Variants in PKIB observed in about 807,000 individuals in gnomAD.
PKIB encodes the protein PKI-beta.
Under a neutral mutation model 4.5 loss-of-function variants are expected in PKIB, and 2 were observed. The ratio of observed to expected loss-of-function variants is 0.44; its 90% CI spans 0.18 to 1.39. The LOEUF is 1.39. Ranked by LOEUF, PKIB falls within the 40% of genes most tolerant of loss-of-function variation. The pLI is 0.27. For missense variants in PKIB, 94 were observed against 92.6 expected, an observed-to-expected ratio of 1.02 and a Z score of -0.06; for synonymous variants, 38 against 36.0, an observed-to-expected ratio of 1.06 and a Z score of -0.20.
intron 1 of PKIB, among the ~76,000 whole-genome samples, chr6:122,627,485 G>T (rs1350344321): frequency 6.6e-6 from 1 of 152,130 alleles, no homozygotes; most frequent in Admixed American, 6.5e-5. Context: ...AGCCCTTCTT[G>T]GTTGAATCAC....
At chr6:122,548,682 G>A (rs1179128873) in intron 2 of PKIB, among the ~76,000 whole-genome samples, 1 of 152,104 alleles carries the variant, frequency 6.6e-6, no homozygotes, top group Non-Finnish European at 1.5e-5. Flanking sequence ...GACTAAATGG[G>A]CAGAAAAATG....
At chr6:122,640,016 G>C (rs987100748) in intron 2 of PKIB, among the ~76,000 whole-genome samples, 1 of 152,136 alleles carries the variant, frequency 6.6e-6, no homozygotes, top group Non-Finnish European at 1.5e-5. Context: ...CTTAGGCTTT[G>C]ACCAAATCTC....
At chr6:122,615,024 G>A (rs1030035713) in intron 1 of PKIB, among the ~76,000 whole-genome samples, 5 of 152,040 alleles carry the variant, frequency 3.3e-5, no homozygotes, top group African/African-American at 1.2e-4. Flanking sequence ...TAGGTATGGT[G>A]GATTTTGTTA....
At chr6:122,505,510 T>C (rs1482373358) in intron 2 of PKIB, among the ~76,000 whole-genome samples, 1 of 152,166 alleles carries the variant, frequency 6.6e-6, no homozygotes, top group Non-Finnish European at 1.5e-5. Context: ...ACAGCATAAA[T>C]AGATACACAT....
At chr6:122,665,894 C>T (rs568057298) in intron 2 of PKIB, among the ~76,000 whole-genome samples, 14 of 152,230 alleles carry the variant, frequency 9.2e-5, no homozygotes, top group Middle Eastern at 3.4e-3. Flanking sequence ...GTTTTTCCTT[C>T]GGTATAAAGA....
chr6:122,713,718 G>A lies in PKIB; in HGVS notation c.-8-4069G>A, dbSNP rs1368469564. Among the ~76,000 whole-genome samples the A allele has an allele frequency of 2.0e-5, 3 of 152,148 alleles. No individual in the cohort carries two copies. The East Asian group carries it at 5.8e-4, about 29-fold the overall frequency. Reference sequence around the variant, plus strand: ...TGTTTATTTATAATTTTTCCAGGTGGATTTTTCAATTCTTTTAAATTACAA... The same window carrying A: ...TGTTTATTTATAATTTTTCCAGGTGAATTTTTCAATTCTTTTAAATTACAA... On this transcript the variant is annotated intron_variant, in intron 3 of 4. Coordinates refer to ENST00000368452, the MANE Select transcript of PKIB (RefSeq NM_181795.3).
intron 3 of PKIB, among the ~76,000 whole-genome samples, chr6:122,693,142 C>T (rs1315421161): frequency 6.6e-6 from 1 of 152,154 alleles, no homozygotes; most frequent in Non-Finnish European, 1.5e-5. Context: ...ACATTCTATC[C>T]TCTGTACCCT....
chr6:122,631,961 A>G (rs1775721313), intron 1 of PKIB, among the ~76,000 whole-genome samples: 1 of 152,206 alleles, frequency 6.6e-6, no homozygotes, highest in South Asian at 2.1e-4. Context: ...TGGGTTTTAT[A>G]CAAATTGGAA....
intron 2 of PKIB, among the ~76,000 whole-genome samples, chr6:122,638,584 A>C (rs1054976701): frequency 2.0e-5 from 3 of 152,186 alleles, no homozygotes; most frequent in African/African-American, 7.2e-5. Flanking sequence ...CTTTTGTTTC[A>C]GGGCTCAAAT....
At chr6:122,691,607 T>C (rs1582816238) in intron 3 of PKIB, among the ~76,000 whole-genome samples, 2 of 92,288 alleles carry the variant, frequency 2.2e-5, no homozygotes, top group South Asian at 3.4e-4. Context: ...GTTATCTTGA[T>C]TTTTTTTTTA....
At chr6:122,523,468 AT>A (rs1452264143) in intron 2 of PKIB, among the ~76,000 whole-genome samples, 1 of 151,864 alleles carries the variant, frequency 6.6e-6, no homozygotes, top group East Asian at 1.9e-4. Context: ...CAGAGGTGGG[AT>A]TTTTTTTGTG....
At chr6:122,622,721 T>C (rs2815586) in intron 1 of PKIB, among the ~76,000 whole-genome samples, 150,280 of 152,322 alleles carry the variant, frequency 0.99, 74,157 homozygotes, top group Middle Eastern at 1. Context: ...GGCTCACCCC[T>C]ACCGGAGAAG....
chr6:122,502,947 T>G (rs2114562761), intron 2 of PKIB, among the ~76,000 whole-genome samples: 1 of 152,288 alleles, frequency 6.6e-6, no homozygotes, highest in South Asian at 2.1e-4. Context: ...CAACAAGCAT[T>G]TATTTCTCAC....
chr6:122,532,091 T>A (rs943541183), intron 2 of PKIB, among the ~76,000 whole-genome samples: 1 of 152,198 alleles, frequency 6.6e-6, no homozygotes, highest in Non-Finnish European at 1.5e-5. Context: ...AGAACATTTA[T>A]GCAGCCTCAT....
chr6:122,476,524 T>C (rs181079635), intron 1 of PKIB, among the ~76,000 whole-genome samples: 11 of 152,286 alleles, frequency 7.2e-5, no homozygotes, highest in African/African-American at 2.6e-4. Context: ...ACACAGATTT[T>C]CTTATTTTGC....
intron 2 of PKIB, among the ~76,000 whole-genome samples, chr6:122,667,900 G>C (rs1777296499): frequency 6.6e-6 from 1 of 152,166 alleles, no homozygotes; most frequent in Non-Finnish European, 1.5e-5. Context: ...CACCTGAAAA[G>C]ATATACAGAC....
intron 3 of PKIB, among the ~76,000 whole-genome samples, chr6:122,593,373 A>G (rs1030171673): frequency 2.6e-5 from 4 of 152,208 alleles, no homozygotes; most frequent in South Asian, 2.1e-4. Context: ...TATTGTAGAA[A>G]TATTTAGTGG....
chr6:122,658,391 C>T (rs1004500263), intron 2 of PKIB, among the ~76,000 whole-genome samples: 2 of 152,138 alleles, frequency 1.3e-5, no homozygotes, highest in Non-Finnish European at 2.9e-5. Flanking sequence ...ACATCTTACT[C>T]TACCACAGAG....
intron 2 of PKIB, among the ~76,000 whole-genome samples, chr6:122,668,990 G>A (rs955407174): frequency 7.9e-5 from 12 of 152,124 alleles, no homozygotes; most frequent in African/African-American, 2.4e-4. Context: ...TAAGGTGGGA[G>A]GATTGCTTAA....
Sources: allele counts gnomAD v4.1 joint callset (sites outside exome capture counted in the v4.1 genomes callset), GRCh38; gene constraint gnomAD v4.1.1; transcripts MANE v1.5; gene names NCBI Gene and HGNC (gene_info 2026-07-23, HGNC 2026-07-21).